The following PRKCB variants were observed in gnomAD, a reference collection of about 807,000 sequenced individuals.
PRKCB encodes protein kinase C beta, also known as protein kinase C beta type.
A neutral mutation model predicts 81.5 loss-of-function variants in PRKCB; 13 were observed. That is an observed-to-expected ratio of 0.16 (90% confidence interval 0.10 to 0.25). PRKCB has a LOEUF of 0.25. Ranked by LOEUF, PRKCB falls within the 10% of genes least tolerant of loss-of-function variation. The pLI is 1.00. For synonymous variants in PRKCB, 335 were observed against 321.4 expected (o/e 1.04, Z -0.45); for missense variants, 509 against 875.7 (o/e 0.58, Z 5.29).
intron 3 of PRKCB, among the ~76,000 whole-genome samples, chr16:24,001,195 G>A (rs1465831371): frequency 6.6e-6 from 1 of 152,066 alleles, no homozygotes; most frequent in African/African-American, 2.4e-5. Flanking sequence ...TATTGAACAG[G>A]GTCTCTGGGC....
At chr16:23,963,408 G>C (rs1200031472) in intron 2 of PRKCB, 1 of 152,190 alleles carries the variant, frequency 6.6e-6, no homozygotes, top group African/African-American at 2.4e-5. Context: ...GCAGTGTCTA[G>C]AACATAATCA....
At chr16:24,094,548 T>G (rs1966415993) in intron 7 of PRKCB, among the ~76,000 whole-genome samples, 1 of 152,136 alleles carries the variant, frequency 6.6e-6, no homozygotes. Context: ...GGTAGATCAC[T>G]TGAGCTCAGG....
chr16:23,843,440 TTC>T (rs1335374251), intron 2 of PRKCB, among the ~76,000 whole-genome samples: 2 of 152,196 alleles, frequency 1.3e-5, no homozygotes, highest in Non-Finnish European at 1.5e-5. Context: ...TTTGGCTTTT[TTC>T]TTTTTTTTAC....
chr16:24,156,571 G>A (rs1415667940), intron 10 of PRKCB, among the ~76,000 whole-genome samples: 4 of 152,220 alleles, frequency 2.6e-5, no homozygotes, highest in South Asian at 2.1e-4. Flanking sequence ...CACCATGCCC[G>A]GCCAAAGTTG....
At chr16:23,874,203 G>A (rs1389957171) in intron 2 of PRKCB, among the ~76,000 whole-genome samples, 1 of 152,134 alleles carries the variant, frequency 6.6e-6, no homozygotes, top group East Asian at 1.9e-4. Flanking sequence ...TGAAAAAACG[G>A]CAGCGTAGGA....
intron 5 of PRKCB, among the ~76,000 whole-genome samples, chr16:24,047,503 G>A (rs934069113): frequency 2.6e-5 from 4 of 151,682 alleles, no homozygotes; most frequent in African/African-American, 4.8e-5. Flanking sequence ...TGCACTCTAG[G>A]CTGGGCGACA....
intron 5 of PRKCB, among the ~76,000 whole-genome samples, chr16:24,083,728 G>T (rs905030676): frequency 6.6e-6 from 1 of 152,092 alleles, no homozygotes; most frequent in African/African-American, 2.4e-5. Context: ...TTTCCGAGGT[G>T]ATAGAACTCT....
At chr16:23,940,412 A>G (rs1171202243) in intron 2 of PRKCB, among the ~76,000 whole-genome samples, 1 of 150,924 alleles carries the variant, frequency 6.6e-6, no homozygotes, top group Non-Finnish European at 1.5e-5. Flanking sequence ...GCAAGCAAGG[A>G]AAAAAAAACC....
At chr16:24,036,867 C>T (rs530280566) in intron 5 of PRKCB, among the ~76,000 whole-genome samples, 61 of 152,278 alleles carry the variant, frequency 4.0e-4, no homozygotes, top group Middle Eastern at 3.4e-3. Flanking sequence ...TGGTGTCATT[C>T]TGTGGGAAAT....
intron 5 of PRKCB, among the ~76,000 whole-genome samples, chr16:24,041,432 T>C (rs1029680510): frequency 3.3e-5 from 5 of 152,106 alleles, no homozygotes; most frequent in Non-Finnish European, 5.9e-5. Context: ...TATACTCCCA[T>C]CTACATTACA....
intron 2 of PRKCB, among the ~76,000 whole-genome samples, chr16:23,838,006 C>G (rs965227184): frequency 6.6e-6 from 1 of 152,174 alleles, no homozygotes; most frequent in Non-Finnish European, 1.5e-5. Context: ...CACTGGTTAC[C>G]TGAGTTCTTG....
intron 3 of PRKCB, among the ~76,000 whole-genome samples, chr16:24,005,989 G>A (rs575816671): frequency 3.7e-4 from 57 of 152,216 alleles, no homozygotes; most frequent in Non-Finnish European, 7.5e-4. Flanking sequence ...TGGACCAAAA[G>A]ACCCATTTAC....
In PRKCB at chr16:24,180,938, G is replaced by T. The variant is rs1022696706; in HGVS notation, c.1533+10G>T. 1.9e-6 allele frequency: 3 copies of T among 1,613,304 alleles called. No individual in the cohort carries two copies. On this transcript the variant is annotated intron_variant, in intron 13 of 16. Coordinates refer to ENST00000643927, the MANE Select transcript of PRKCB (RefSeq NM_002738.7). ...CTACATCGCCCCCGAGGTGAGAGCT[G>T]CTGGGCACACGTTCACATTGCGGTG...
chr16:23,981,712 TTTCCCTTCCCC>T (rs1567333447), intron 2 of PRKCB, among the ~76,000 whole-genome samples: 69 of 50,322 alleles, frequency 1.4e-3, no homozygotes, highest in African/African-American at 2.3e-3. Flanking sequence ...TCCCCTTCCC[TTTCCCTTCCCC>T]TTCCCTTCCC....
chr16:24,179,986 C>A (rs966853879), intron 12 of PRKCB, among the ~76,000 whole-genome samples: 4 of 152,078 alleles, frequency 2.6e-5, no homozygotes, highest in Non-Finnish European at 5.9e-5. Flanking sequence ...GCTCTGTCAC[C>A]CAGGCTGGAG....
chr16:24,090,066 G>T (rs1234812119), intron 5 of PRKCB, among the ~76,000 whole-genome samples: 2 of 152,166 alleles, frequency 1.3e-5, no homozygotes. Flanking sequence ...TATATGGTCT[G>T]TCTTGGGGAC....
At chr16:24,143,519 C>T (rs1225134902) in intron 9 of PRKCB, among the ~76,000 whole-genome samples, 1 of 152,126 alleles carries the variant, frequency 6.6e-6, no homozygotes, top group Non-Finnish European at 1.5e-5. Flanking sequence ...CACAAGCCTG[C>T]TCCCTAGCAG....
chr16:23,956,096 A>C (rs930638639), intron 2 of PRKCB, among the ~76,000 whole-genome samples: 1 of 152,148 alleles, frequency 6.6e-6, no homozygotes, highest in African/African-American at 2.4e-5. Flanking sequence ...CGAATAAACA[A>C]AAAAAGAGAT....
At chr16:23,907,109 C>G (rs114612010) in intron 2 of PRKCB, among the ~76,000 whole-genome samples, 6 of 152,224 alleles carry the variant, frequency 3.9e-5, no homozygotes, top group African/African-American at 1.4e-4. Context: ...GAGCCTGTCC[C>G]ATGTAGTGTA....
Sources: gnomAD v4.1 joint callset for allele counts (sites outside exome capture counted in the v4.1 genomes callset) on GRCh38, gnomAD v4.1.1 for gene constraint, MANE v1.5 for transcripts, NCBI Gene and HGNC (gene_info 2026-07-23, HGNC 2026-07-21) for gene names.